SYT9: variants seen among roughly 807,000 people sequenced by gnomAD.
The protein encoded by SYT9 is synaptotagmin-9.
Under a neutral mutation model 48.4 loss-of-function variants are expected in SYT9, and 22 were observed. That is an observed-to-expected ratio of 0.45 (90% CI 0.32 to 0.65). The LOEUF is 0.65. Ranked by LOEUF, SYT9 falls within the 30% of genes least tolerant of loss-of-function variation. The probability of loss-of-function intolerance (pLI) is 0.03; values close to 1 mark genes in which losing one functional copy is unlikely to be tolerated. For synonymous variants in SYT9, 265 were observed against 245.0 expected, an observed-to-expected ratio of 1.08 and a Z score of -0.76; for missense variants, 577 against 622.0, an observed-to-expected ratio of 0.93 and a Z score of 0.77.
intron 3 of SYT9, among the ~76,000 whole-genome samples, chr11:7,391,999 A>T (rs1846627971): frequency 6.6e-6 from 1 of 151,854 alleles, no homozygotes. Context: ...ATTTCCTTAT[A>T]GATTCTGTAT....
intron 6 of SYT9, among the ~76,000 whole-genome samples, chr11:7,434,725 ATATT>A (rs762246783): frequency 2.6e-5 from 4 of 152,200 alleles, no homozygotes; most frequent in Non-Finnish European, 4.4e-5. Context: ...GATGTTGTCA[ATATT>A]TATTATAAGC....
intron 1 of SYT9, among the ~76,000 whole-genome samples, chr11:7,284,015 A>C (rs79364686): frequency 0.077 from 11,735 of 152,148 alleles, 614 homozygotes; most frequent in African/African-American, 0.15. Context: ...CAATTATTCA[A>C]AATCTTGTCA....
At chr11:7,389,726 A>T (rs574000184) in intron 3 of SYT9, among the ~76,000 whole-genome samples, 1 of 152,304 alleles carries the variant, frequency 6.6e-6, no homozygotes, top group South Asian at 2.1e-4. Flanking sequence ...CTAAGGACCA[A>T]GCGAGATCAG....
intron 1 of SYT9, among the ~76,000 whole-genome samples, chr11:7,292,858 A>T (rs139886867): frequency 1.3e-5 from 2 of 152,336 alleles, no homozygotes; most frequent in East Asian, 3.9e-4. Flanking sequence ...CCAATTAAAT[A>T]ATTTCTGGAG....
chr11:7,346,044 G>GA (rs1849793754), intron 3 of SYT9, among the ~76,000 whole-genome samples: 1 of 152,160 alleles, frequency 6.6e-6, no homozygotes. Flanking sequence ...ATGAAGAAAG[G>GA]ACTGAAAAGA....
chr11:7,258,449 A>G (rs1199889544), intron 1 of SYT9, among the ~76,000 whole-genome samples: 5 of 152,166 alleles, frequency 3.3e-5, no homozygotes, highest in African/African-American at 1.2e-4. Context: ...TTTAGACCAC[A>G]TCAAATCCTG....
rs920060594 is a variant in SYT9 at position 7,467,139 on chromosome 11, G to A, written c.*339G>A. ...TTCATATGAAGCCCTTGGTGATGAG[G>A]ACATAGCATCTGCCCTGGAAATCGT... On this transcript the variant is annotated 3_prime_UTR_variant, in exon 7 of 7. Coordinates refer to ENST00000318881, the MANE Select transcript of SYT9 (RefSeq NM_175733.4). 1.0e-5 allele frequency: 3 copies of A among 290,812 alleles called. No homozygotes were observed. The highest frequency in any genetic ancestry group is 6.1e-5 in the East Asian group (1 of 16,378). 18.0% of individuals were successfully genotyped at this position (290,812 alleles called of 1,614,324 possible). A position where few individuals can be genotyped will look rare whatever the true frequency, so the allele number is the denominator to read the frequency against.
rs1848357399 is a variant in SYT9, at chr11:7,467,584, G to C, written c.*784G>C. 6.6e-6 allele frequency: 1 copy of C among 152,180 alleles called. No homozygotes were observed. 9.4% of individuals were successfully genotyped at this position (152,180 alleles called of 1,614,324 possible). A position where few individuals can be genotyped will look rare whatever the true frequency, so the allele number is the denominator to read the frequency against. The stretch of plus-strand genomic sequence containing the variant: ...TATTAGAATGAAAAGTAATTAGTTA[G>C]AAGGGCATACATCTCAGTGGCATGA... On this transcript the variant is annotated 3_prime_UTR_variant, in exon 7 of 7. Coordinates refer to ENST00000318881, the MANE Select transcript of SYT9 (RefSeq NM_175733.4).
chr11:7,433,131 C>G (rs1453716960), intron 6 of SYT9, among the ~76,000 whole-genome samples: 1 of 152,076 alleles, frequency 6.6e-6, no homozygotes, highest in Non-Finnish European at 1.5e-5. Flanking sequence ...CCTCCACCCC[C>G]CTTGCTCCTG....
chr11:7,241,610 T>C (rs1847741317), intron 1 of SYT9, among the ~76,000 whole-genome samples: 1 of 152,226 alleles, frequency 6.6e-6, no homozygotes, highest in African/African-American at 2.4e-5. Context: ...GCCGATTGAT[T>C]AATTAGGATC....
At chr11:7,347,528 C>G (rs1489809425) in intron 3 of SYT9, among the ~76,000 whole-genome samples, 1 of 152,198 alleles carries the variant, frequency 6.6e-6, no homozygotes, top group African/African-American at 2.4e-5. Context: ...AGCCACTGCG[C>G]CCAGCCGAAC....
rs1288217781 is a variant in SYT9, at chr11:7,303,334, C to G, written c.441C>G (p.Asn147Lys). 6.2e-7 allele frequency: 1 copy of G among 1,613,682 alleles called. No individual in the cohort carries two copies. The highest frequency in any genetic ancestry group is 8.5e-7 in the Non-Finnish European group (1 of 1,180,018). The change falls in exon 2 of 7, where the codon AAC (asparagine) becomes AAG (lysine). Residue 147 changes from asparagine (N) to lysine (K), a missense_variant. Transcript: ENST00000318881. ...PLSTQTGIQENCAHGVRVQRQ... is the reference protein window; with the variant it reads ...PLSTQTGIQEKCAHGVRVQRQ... ...CCACCCAGACGGGGATCCAGGAGAA[C>G]TGTGCCCATGGCGTCCGCGTGCAGC...
chr11:7,252,476 C>A lies in SYT9; in HGVS notation c.145+145C>A. The A allele has an allele frequency of 1.1e-6, 1 of 916,242 alleles. No individual in the cohort carries two copies. Among genetic ancestry groups the A allele is most frequent in the Non-Finnish European group, 1.5e-6 (1 of 680,250 alleles). 56.8% of individuals were successfully genotyped at this position (916,242 alleles called of 1,614,324 possible). A position where few individuals can be genotyped will look rare whatever the true frequency, so the allele number is the denominator to read the frequency against. On this transcript the variant is annotated intron_variant, in intron 1 of 6. Transcript: ENST00000318881. The surrounding 1 kb of genome is among the most constrained non-coding windows in gnomAD (Gnocchi z 6.3). The stretch of plus-strand genomic sequence containing the variant: ...AGCCAGGAGAGTGATCAAGAACCAG[C>A]GCACTGTGGCCTGATGCTGTAACCA...
At chr11:7,376,219 A>T (rs12785923) in intron 3 of SYT9, among the ~76,000 whole-genome samples, 14 of 151,886 alleles carry the variant, frequency 9.2e-5, no homozygotes, top group African/African-American at 3.4e-4. Flanking sequence ...TTAATAAATG[A>T]ATGAAAAATT....
At chr11:7,407,851 A>T (rs1847052200) in intron 3 of SYT9, among the ~76,000 whole-genome samples, 1 of 152,256 alleles carries the variant, frequency 6.6e-6, no homozygotes, top group Non-Finnish European at 1.5e-5. Flanking sequence ...ACATGGATTC[A>T]TTTCTGTACT....
At position 7,356,601 on chromosome 11, in the gene SYT9, A is replaced by C. The variant is rs567283497; in HGVS notation, c.1044+42660A>C. Among the ~76,000 whole-genome samples, 73 of 152,328 alleles carry C rather than the reference A, an allele frequency of 4.8e-4. No homozygotes were observed. The South Asian group carries it at 6.6e-3, about 14-fold the overall frequency. ...CCTTTTGTGATTTAATAACTTAAAC[A>C]TCTGACTTGAGAACATTGGAGATAG... On this transcript the variant is annotated intron_variant, in intron 3 of 6. Transcript: ENST00000318881.
intron 3 of SYT9, among the ~76,000 whole-genome samples, chr11:7,381,981 C>T (rs888161296): frequency 2.0e-5 from 3 of 152,154 alleles, no homozygotes; most frequent in African/African-American, 7.2e-5. Context: ...GTCTCATCAT[C>T]TCCACAAGCA....
chr11:7,437,923 T>C (rs1158286978), intron 6 of SYT9: 1 of 152,338 alleles, frequency 6.6e-6, no homozygotes, highest in African/African-American at 2.4e-5. Context: ...GTTGGAGGTA[T>C]GTGTCACTGC....
intron 3 of SYT9, among the ~76,000 whole-genome samples, chr11:7,319,295 A>C (rs1475988942): frequency 1.4e-5 from 2 of 143,226 alleles, no homozygotes; most frequent in Non-Finnish European, 3.0e-5. Flanking sequence ...TGAAAGCCAC[A>C]ACTCTGGAAT....
Sources: gnomAD v4.1 joint callset for allele counts (sites outside exome capture counted in the v4.1 genomes callset) on GRCh38, gnomAD v4.1.1 for gene constraint, Gnocchi (gnomAD v3.1) non-coding constraint, MANE v1.5 for transcripts, NCBI Gene and HGNC (gene_info 2026-07-23, HGNC 2026-07-21) for gene names.